Variants in ARID4A observed in about 807,000 individuals in gnomAD.
ARID4A encodes the protein AT-rich interaction domain 4A, also known as AT-rich interactive domain-containing protein 4A.
In ARID4A, 39 loss-of-function variants were observed where a neutral mutation model predicts 148.6. The observed-to-expected ratio is 0.26, with a 90% CI of 0.20 to 0.34. The LOEUF is 0.34. Among genes scored for constraint, ARID4A ranks in the 10% least tolerant of loss-of-function variants. ARID4A has a pLI of 1.00. For missense variants in ARID4A, 1,265 were observed against 1,449.1 expected (o/e 0.87, Z 2.06); for synonymous variants, 475 against 481.2 (o/e 0.99, Z 0.17).
At chr14:58,336,207 T>C (rs1352035802) in intron 11 of ARID4A, among the ~76,000 whole-genome samples, 1 of 152,234 alleles carries the variant, frequency 6.6e-6, no homozygotes, top group Non-Finnish European at 1.5e-5. Context: ...AAGATTTAAT[T>C]ATTGCATTCT....
chr14:58,311,049 C>G (rs1339208789), intron 5 of ARID4A, among the ~76,000 whole-genome samples: 5 of 152,048 alleles, frequency 3.3e-5, no homozygotes, highest in Admixed American at 2.0e-4. Flanking sequence ...AGTTCGAGAC[C>G]AGCCTGGCCA....
chr14:58,305,227 A>G (rs2031509337), intron 4 of ARID4A, among the ~76,000 whole-genome samples: 1 of 152,146 alleles, frequency 6.6e-6, no homozygotes, highest in African/African-American at 2.4e-5. Flanking sequence ...TTTAATATAT[A>G]TAAACATGTT....
At chr14:58,348,159 A>AT (rs1268370993) in intron 15 of ARID4A, among the ~76,000 whole-genome samples, 1 of 152,090 alleles carries the variant, frequency 6.6e-6, no homozygotes, top group African/African-American at 2.4e-5. Context: ...CACCTCATTG[A>AT]AGGCTGTCTT....
intron 15 of ARID4A, 54 bp from the exon 16 acceptor site, chr14:58,351,019 C>T: frequency 2.7e-6 from 4 of 1,501,886 alleles, no homozygotes; most frequent in Non-Finnish European, 3.5e-6. Flanking sequence ...TTTTTTCCTG[C>T]TTTTTTCCCC....
intron 11 of ARID4A, among the ~76,000 whole-genome samples, chr14:58,334,707 C>G (rs1594915138): frequency 6.6e-6 from 1 of 152,270 alleles, no homozygotes; most frequent in East Asian, 1.9e-4. Context: ...TTTGTCCTCC[C>G]TATAAGATGA....
At chr14:58,367,747 C>T (rs1167853941) in intron 23 of ARID4A, among the ~76,000 whole-genome samples, 1 of 152,100 alleles carries the variant, frequency 6.6e-6, no homozygotes, top group Non-Finnish European at 1.5e-5. Flanking sequence ...GCTAAAATAA[C>T]AGTAAAGGAA....
At chr14:58,351,634 G>A (rs888124975) in intron 16 of ARID4A, 1 of 230,278 alleles carries the variant, frequency 4.3e-6, no homozygotes, top group Non-Finnish European at 8.5e-6. Flanking sequence ...GGAGGAAGTG[G>A]ACAAGAGGAA....
rs1399825007 is a variant in ARID4A at position 58,351,276 on chromosome 14, G to A, written c.1608G>A (p.Glu536=). The A allele has an allele frequency of 6.2e-7, 1 of 1,610,012 alleles. No homozygotes were observed. The highest frequency in any genetic ancestry group is 1.1e-5 in the South Asian group (1 of 89,812). The change falls in exon 16 of 24, where the codon GAG becomes GAA. Residue 536 remains glutamate, a synonymous_variant. Coordinates refer to ENST00000355431, the MANE Select transcript of ARID4A (RefSeq NM_002892.4). ...AAGAGAAGAAAATTAAAAAACAGGA[G>A]GATTCTGACAAAGACTCAGATGAAG... ...KQKEKKIKKQ[E]DSDKDSDEEE... is the part of the protein sequence containing the mutation.
chr14:58,300,231 A>G (rs765373853), intron 2 of ARID4A, among the ~76,000 whole-genome samples: 1 of 152,288 alleles, frequency 6.6e-6, no homozygotes, highest in South Asian at 2.1e-4. Flanking sequence ...GCGATTTTCT[A>G]AAAGAAAGAA....
chr14:58,301,272 G>GT (rs966902660), intron 2 of ARID4A, among the ~76,000 whole-genome samples: 12 of 139,914 alleles, frequency 8.6e-5, no homozygotes, highest in South Asian at 2.4e-4. Context: ...TATTTTTTCT[G>GT]TTTTTTTCTT....
rs1177535820 is a variant in ARID4A at position 58,373,062 on chromosome 14, T to A, written c.*1073T>A. 5.0e-6 allele frequency: 1 copy of A among 199,912 alleles called. No homozygotes were observed. The highest frequency in any genetic ancestry group is 2.3e-5 in the African/African-American group (1 of 43,468). The allele number at this position is 199,912 out of a possible 1,614,324, so 12.4% of individuals were successfully genotyped here. ...CCATCAAACAGTATAGAACTATAAATGGGCATCTGGATCATTAAAGTATGT... is the reference window on the plus strand; with the variant it reads ...CCATCAAACAGTATAGAACTATAAAAGGGCATCTGGATCATTAAAGTATGT... On this transcript the variant is annotated 3_prime_UTR_variant, in exon 24 of 24. Coordinates refer to ENST00000355431, the MANE Select transcript of ARID4A (RefSeq NM_002892.4).
intron 5 of ARID4A, among the ~76,000 whole-genome samples, chr14:58,315,950 A>G (rs1238631931): frequency 1.3e-5 from 2 of 152,208 alleles, no homozygotes; most frequent in East Asian, 1.9e-4. Context: ...TGTCTCCTGC[A>G]TGTAAAAGAA....
chr14:58,332,348 A>G (rs2033577592), intron 11 of ARID4A, among the ~76,000 whole-genome samples: 1 of 152,104 alleles, frequency 6.6e-6, no homozygotes. Context: ...TAACAGCAAA[A>G]TTACAGAATT....
At chr14:58,308,644 T>TA (rs938549310) in intron 5 of ARID4A, among the ~76,000 whole-genome samples, 7 of 152,090 alleles carry the variant, frequency 4.6e-5, no homozygotes, top group African/African-American at 1.4e-4. Flanking sequence ...CCAGTTGGTT[T>TA]AAAAAAAACA....
Position 58,299,788 on chromosome 14 carries a change from C to G in ARID4A, c.-57-10C>G, listed in dbSNP as rs770601760. On this transcript the variant is annotated splice_polypyrimidine_tract_variant and intron_variant, in intron 1 of 23. Coordinates refer to ENST00000355431, the MANE Select transcript of ARID4A (RefSeq NM_002892.4). The stretch of plus-strand genomic sequence containing the variant: ...ATTATGTCTGTGCCTGTCTTTCCCC[C>G]TCCCCATAGTTCTAGCGACTGCGAA... The G allele has an allele frequency of 1.2e-6, 2 of 1,611,404 alleles. No individual in the cohort carries two copies. The highest frequency in any genetic ancestry group is 1.7e-5 in the Admixed American group (1 of 59,990).
At chr14:58,346,594 A>G in intron 13 of ARID4A, 89 bp downstream of exon 13, 4 of 800,940 alleles carry the variant, frequency 5.0e-6, no homozygotes, top group Non-Finnish European at 7.9e-6. Context: ...ACATTGGATA[A>G]TAAATACATT....
intron 17 of ARID4A, among the ~76,000 whole-genome samples, chr14:58,357,548 G>A (rs544272714): frequency 1.3e-5 from 2 of 151,798 alleles, no homozygotes; most frequent in South Asian, 4.2e-4. Flanking sequence ...AGCATGGCCT[G>A]GAATGTGGCC....
In ARID4A at chr14:58,347,638, T is replaced by C; in HGVS notation, c.1173-9T>C. ...GTAAGATTTCTTAAATGAAATATTG[T>C]TTGTTTAGGTATCTCTATGGTTTTG... is the stretch of plus-strand genomic sequence containing the variant. On this transcript the variant is annotated splice_polypyrimidine_tract_variant and intron_variant, in intron 14 of 23. Transcript: ENST00000355431. 6.5e-7 allele frequency: 1 copy of C among 1,527,004 alleles called. No individual in the cohort carries two copies. Among genetic ancestry groups the C allele is most frequent in the Non-Finnish European group, 8.9e-7 (1 of 1,129,642 alleles). The allele number at this position is 1,527,004 out of a possible 1,614,324, so 94.6% of individuals were successfully genotyped here.
intron 15 of ARID4A, among the ~76,000 whole-genome samples, chr14:58,349,836 C>T (rs996826734): frequency 6.6e-6 from 1 of 152,084 alleles, no homozygotes; most frequent in African/African-American, 2.4e-5. Context: ...CTAGGCCGGG[C>T]ACGGTGGCTC....
Sources: allele counts gnomAD v4.1 joint callset (sites outside exome capture counted in the v4.1 genomes callset), GRCh38; gene constraint gnomAD v4.1.1; transcripts MANE v1.5; gene names NCBI Gene and HGNC (gene_info 2026-07-23, HGNC 2026-07-21).